Variants in GRIK4 observed in about 807,000 individuals in gnomAD.
GRIK4 encodes the protein glutamate ionotropic receptor kainate type subunit 4, also known as glutamate receptor ionotropic, kainate 4.
GRIK4 carries 40 observed loss-of-function variants against 104.9 expected under a neutral mutation model. That is an observed-to-expected ratio of 0.38 (90% CI 0.30 to 0.50). GRIK4 has a LOEUF of 0.50. Ranked by LOEUF, GRIK4 falls within the 20% of genes least tolerant of loss-of-function variation. The pLI, the probability that GRIK4 is intolerant of heterozygous loss-of-function variation, is 0.93. For synonymous variants in GRIK4, 485 were observed against 524.9 expected, an observed-to-expected ratio of 0.92 and a Z score of 1.04; for missense variants, 1,047 against 1,308.1, an observed-to-expected ratio of 0.80 and a Z score of 3.08.
At chr11:120,984,506 C>T (rs533916856) in intron 20 of GRIK4, among the ~76,000 whole-genome samples, 34 of 152,096 alleles carry the variant, frequency 2.2e-4, no homozygotes, top group Non-Finnish European at 4.4e-4. Flanking sequence ...CAGTGGCTCA[C>T]GCCTGTAATC....
At chr11:120,842,851 G>A (rs908819825) in intron 8 of GRIK4, among the ~76,000 whole-genome samples, 10 of 152,258 alleles carry the variant, frequency 6.6e-5, no homozygotes, top group South Asian at 2.1e-4. Context: ...CCAGTCTACC[G>A]TTGAGACAGC....
At chr11:120,981,017 C>CT (rs35713034) in intron 19 of GRIK4, among the ~76,000 whole-genome samples, 36,159 of 151,942 alleles carry the variant, frequency 0.24, 4,533 homozygotes, top group African/African-American at 0.32. Flanking sequence ...CTGACTGCCC[C>CT]GACACTGACG....
rs78457371 is a variant in GRIK4 at position 120,925,027 on chromosome 11, G to A, written c.1477-15320G>A. On this transcript the variant is annotated intron_variant, in intron 13 of 20. Coordinates refer to ENST00000527524, the MANE Select transcript of GRIK4 (RefSeq NM_014619.5). ...TTGGTCACATCACTGCTCACTCCCT[G>A]GGGAGGTGGGGCAGTTCAGGGCTGG... 1.2e-3 allele frequency among the ~76,000 whole-genome samples: 182 copies of A among 152,304 alleles called. 1 individual carries two copies. Among genetic ancestry groups the A allele is most frequent in the African/African-American group, 4.3e-3 (180 of 41,568 alleles).
intron 3 of GRIK4, among the ~76,000 whole-genome samples, chr11:120,700,158 C>A (rs1950528169): frequency 6.6e-6 from 1 of 151,756 alleles, no homozygotes; most frequent in African/African-American, 2.4e-5. Context: ...CTGCTAAAAT[C>A]TACTTATTTA....
chr11:120,839,198 T>C (rs1953655619), intron 8 of GRIK4, among the ~76,000 whole-genome samples: 1 of 152,144 alleles, frequency 6.6e-6, no homozygotes, highest in South Asian at 2.1e-4. Flanking sequence ...GGGTTTTCAT[T>C]CTTATTTCTT....
At chr11:120,971,003 C>A (rs1211528050) in intron 19 of GRIK4, among the ~76,000 whole-genome samples, 1 of 152,186 alleles carries the variant, frequency 6.6e-6, no homozygotes, top group Non-Finnish European at 1.5e-5. Flanking sequence ...AGCATGGCCA[C>A]CTCCCAGGGC....
intron 3 of GRIK4, among the ~76,000 whole-genome samples, chr11:120,776,661 G>A (rs1422791433): frequency 6.6e-6 from 1 of 152,170 alleles, no homozygotes; most frequent in Non-Finnish European, 1.5e-5. Context: ...AGTGTTTCTG[G>A]CGCAGGGTCA....
chr11:120,609,683 T>A (rs959153174), intron 1 of GRIK4, among the ~76,000 whole-genome samples: 2 of 151,874 alleles, frequency 1.3e-5, no homozygotes, highest in African/African-American at 4.8e-5. Flanking sequence ...CTGGCTAATT[T>A]TTGTATTTTT....
At chr11:120,917,865 G>C (rs1943146005) in intron 13 of GRIK4, among the ~76,000 whole-genome samples, 1 of 152,222 alleles carries the variant, frequency 6.6e-6, no homozygotes, top group African/African-American at 2.4e-5. Flanking sequence ...AGCGCCAGCT[G>C]TTAAGGGGAG....
intron 1 of GRIK4, among the ~76,000 whole-genome samples, chr11:120,558,760 T>A (rs1014381343): frequency 6.6e-6 from 1 of 152,134 alleles, no homozygotes; most frequent in Non-Finnish European, 1.5e-5. Context: ...GCGTATTTAG[T>A]TTATAGAGAG....
At chr11:120,930,274 A>G (rs919299165) in intron 13 of GRIK4, among the ~76,000 whole-genome samples, 9 of 152,178 alleles carry the variant, frequency 5.9e-5, no homozygotes, top group Non-Finnish European at 8.8e-5. Context: ...GTTTATGTTA[A>G]ATTTTTTCAA....
chr11:120,531,129 C>T (rs185687536), intron 1 of GRIK4, among the ~76,000 whole-genome samples: 1 of 152,240 alleles, frequency 6.6e-6, no homozygotes, highest in East Asian at 1.9e-4. Flanking sequence ...TCTTGCTTTC[C>T]TTGAGAGAGT....
chr11:120,688,443 T>G (rs140633943), intron 3 of GRIK4, among the ~76,000 whole-genome samples: 35 of 152,320 alleles, frequency 2.3e-4, no homozygotes, highest in African/African-American at 6.0e-4. Flanking sequence ...GTTTAAGGCA[T>G]TCCCTTGAGT....
At chr11:120,747,028 C>CT (rs1220670013) in intron 3 of GRIK4, among the ~76,000 whole-genome samples, 3 of 152,082 alleles carry the variant, frequency 2.0e-5, no homozygotes, top group African/African-American at 7.2e-5. Context: ...TCATCCCTGG[C>CT]TTTTTTTGAG....
At chr11:120,608,096 T>C (rs1193925691) in intron 1 of GRIK4, among the ~76,000 whole-genome samples, 2 of 152,156 alleles carry the variant, frequency 1.3e-5, no homozygotes, top group African/African-American at 4.8e-5. Flanking sequence ...TGTACGAGGT[T>C]TTTGAGCAAG....
intron 8 of GRIK4, among the ~76,000 whole-genome samples, chr11:120,854,664 C>T (rs986394353): frequency 2.0e-5 from 3 of 152,130 alleles, no homozygotes; most frequent in Non-Finnish European, 4.4e-5. Flanking sequence ...AACATGCATT[C>T]CTTGAGCTAT....
chr11:120,565,008 A>G (rs1486021775), intron 1 of GRIK4, among the ~76,000 whole-genome samples: 2 of 151,988 alleles, frequency 1.3e-5, no homozygotes, highest in African/African-American at 2.4e-5. Flanking sequence ...TGTCCTGTGT[A>G]GCCGCCCACC....
At chr11:120,744,133 C>T (rs1019929535) in intron 3 of GRIK4, among the ~76,000 whole-genome samples, 1 of 152,154 alleles carries the variant, frequency 6.6e-6, no homozygotes, top group Non-Finnish European at 1.5e-5. Flanking sequence ...GTGATAGAGT[C>T]TTTTAGAGAT....
intron 3 of GRIK4, among the ~76,000 whole-genome samples, chr11:120,690,155 C>T (rs1950335664): frequency 6.6e-6 from 1 of 152,140 alleles, no homozygotes; most frequent in South Asian, 2.1e-4. Flanking sequence ...CTACCTGCTC[C>T]CCTCGTCACT....
Sources: allele counts gnomAD v4.1 joint callset (sites outside exome capture counted in the v4.1 genomes callset), GRCh38; gene constraint gnomAD v4.1.1; transcripts MANE v1.5; gene names NCBI Gene and HGNC (gene_info 2026-07-23, HGNC 2026-07-21).